Variants in SNX2 observed in about 807,000 individuals in gnomAD.
The protein encoded by SNX2 is sorting nexin-2.
A neutral mutation model predicts 69.9 loss-of-function variants in SNX2; 25 were observed. The observed-to-expected ratio is 0.36, with a 90% CI of 0.26 to 0.50. The LOEUF (loss-of-function observed/expected upper bound fraction) is 0.50. Among genes scored for constraint, SNX2 ranks in the 20% least tolerant of loss-of-function variants. SNX2 has a pLI of 0.97. For synonymous variants in SNX2, 229 were observed against 200.4 expected (o/e 1.14, Z -1.20); for missense variants, 551 against 613.3 (o/e 0.90, Z 1.07).
At chr5:122,791,668 T>C (rs892139827) in intron 1 of SNX2, among the ~76,000 whole-genome samples, 10 of 152,184 alleles carry the variant, frequency 6.6e-5, no homozygotes, top group African/African-American at 2.4e-4. Flanking sequence ...CTGCCTGCCT[T>C]GGCCTCCCAG....
intron 6 of SNX2, among the ~76,000 whole-genome samples, chr5:122,807,096 G>T (rs1157853828): frequency 6.6e-6 from 1 of 151,956 alleles, no homozygotes; most frequent in Non-Finnish European, 1.5e-5. Flanking sequence ...GACCAGCCTG[G>T]GCAACACAGC....
chr5:122,803,647 T>A, intron 6 of SNX2, 34 bp downstream of exon 6: 1 of 1,540,784 alleles, frequency 6.5e-7, no homozygotes, highest in African/African-American at 1.4e-5. Context: ...TAATTTTTGT[T>A]ACTGTTACTA....
Position 122,801,945 on chromosome 5 carries a change from T to C in SNX2, c.457+10T>C. 1.3e-6 allele frequency: 2 copies of C among 1,585,252 alleles called. No individual in the cohort carries two copies. Among genetic ancestry groups the C allele is most frequent in the Middle Eastern group, 1.7e-4 (1 of 5,964 alleles). ...GATCCAGAAAAAGTTGGTGAGTCAATACTTATTATATTTTGTATTTACTTT... is the reference window on the plus strand; with the variant it reads ...GATCCAGAAAAAGTTGGTGAGTCAACACTTATTATATTTTGTATTTACTTT... On this transcript the variant is annotated intron_variant, in intron 4 of 14. Transcript: ENST00000379516.
intron 1 of SNX2, among the ~76,000 whole-genome samples, chr5:122,792,926 A>G (rs1161120437): frequency 6.6e-6 from 1 of 152,244 alleles, no homozygotes; most frequent in African/African-American, 2.4e-5. Context: ...ACACAATGAT[A>G]CATACTCTAC....
intron 1 of SNX2, among the ~76,000 whole-genome samples, chr5:122,786,209 C>G (rs1455700136): frequency 6.6e-6 from 1 of 151,906 alleles, no homozygotes; most frequent in African/African-American, 2.4e-5. Context: ...CATGACATAT[C>G]TTTTTTATTG....
intron 1 of SNX2, among the ~76,000 whole-genome samples, chr5:122,793,253 A>G (rs907313864): frequency 7.2e-5 from 11 of 152,238 alleles, no homozygotes; most frequent in African/African-American, 2.4e-4. Context: ...TGGTTCAAGT[A>G]TGGTATTCAC....
chr5:122,787,721 C>G (rs1031808042), intron 1 of SNX2, among the ~76,000 whole-genome samples: 1 of 152,046 alleles, frequency 6.6e-6, no homozygotes, highest in Non-Finnish European at 1.5e-5. Flanking sequence ...CTCTTGGGCT[C>G]TGGACTATGA....
Position 122,826,087 on chromosome 5 carries a change from G to C in SNX2, c.1250G>C (p.Trp417Ser). 2 of 1,613,124 alleles carry C rather than the reference G, an allele frequency of 1.2e-6. No individual in the cohort carries two copies. Among genetic ancestry groups the C allele is most frequent in the Non-Finnish European group, 1.7e-6 (2 of 1,179,354 alleles). ...CATCGAATGAAGTGCTGGCAGAAATGGGAAGATGCTCAAATTACTTTGCTC... is the reference window on the plus strand; with the variant it reads ...CATCGAATGAAGTGCTGGCAGAAATCGGAAGATGCTCAAATTACTTTGCTC... ...FDHRMKCWQK[W>S]EDAQITLLKK... Residue 417 changes from tryptophan (W) to serine (S), a missense_variant, in exon 12 of 15, where the codon TGG becomes TCG. Physicochemically the swap from Trp to Ser is radical, Grantham distance 177. Around this residue, in one of 2 missense-constraint regions of SNX2, gnomAD observed 360 missense variants for 450.4 expected, o/e 0.80. Coordinates refer to ENST00000379516, the MANE Select transcript of SNX2 (RefSeq NM_003100.4).
At position 122,833,467 on chromosome 5, in the gene SNX2, T is replaced by C. The variant is rs1754339956; in HGVS notation, c.*3819T>C. ...CAGTAGCTCCAAAATATTATTTTAATATGTAATCCAATATATTGAAGTTAT... is the reference window on the plus strand; with the variant it reads ...CAGTAGCTCCAAAATATTATTTTAACATGTAATCCAATATATTGAAGTTAT... On this transcript the variant is annotated 3_prime_UTR_variant, in exon 15 of 15. Transcript: ENST00000379516. The C allele has an allele frequency of 6.6e-6, 1 of 152,170 alleles. No individual in the cohort carries two copies. The highest frequency in any genetic ancestry group is 1.5e-5 in the Non-Finnish European group (1 of 68,024). 9.4% of individuals were successfully genotyped at this position (152,170 alleles called of 1,614,324 possible).
intron 1 of SNX2, among the ~76,000 whole-genome samples, chr5:122,788,380 A>G (rs931563917): frequency 6.6e-6 from 1 of 152,196 alleles, no homozygotes; most frequent in African/African-American, 2.4e-5. Context: ...TTTATCCTCA[A>G]TGAGGTTTGC....
At position 122,803,478 on chromosome 5, in the gene SNX2, C is replaced by CTT; in HGVS notation, c.510_511dup (p.Ser171PhefsTer11). 6.2e-7 allele frequency: 1 copy of CTT among 1,607,944 alleles called. No individual in the cohort carries two copies. The highest frequency in any genetic ancestry group is 1.9e-4 in the Middle Eastern group (1 of 5,310). ...ACCTCTTCTTCACTTGTAGACATCT[C>CTT]TTTCCATGTTCAGTAAGAGTGAATT... On this transcript the variant is annotated frameshift_variant, in exon 6 of 15. Transcript: ENST00000379516. LOFTEE classifies it high-confidence loss of function.
At chr5:122,824,502 T>TAA (rs1754110277) in intron 11 of SNX2, among the ~76,000 whole-genome samples, 1 of 152,176 alleles carries the variant, frequency 6.6e-6, no homozygotes, top group Admixed American at 6.5e-5. Context: ...CTTAATAATG[T>TAA]AAGAAAAATT....
intron 1 of SNX2, 43 bp from the exon 2 acceptor site, chr5:122,795,223 T>C (rs115333906): frequency 3.1e-6 from 4 of 1,281,906 alleles, no homozygotes; most frequent in Non-Finnish European, 2.3e-6. Context: ...TTACAACAGG[T>C]AAACATGCCA....
At chr5:122,792,597 C>CA (rs34776409) in intron 1 of SNX2, among the ~76,000 whole-genome samples, 5,973 of 108,064 alleles carry the variant, frequency 0.055, 171 homozygotes, top group East Asian at 0.12. Context: ...AACTTCATCT[C>CA]AAAAAAAAAA....
chr5:122,785,507 C>T (rs532962481), intron 1 of SNX2, among the ~76,000 whole-genome samples: 1 of 151,826 alleles, frequency 6.6e-6, no homozygotes, highest in South Asian at 2.1e-4. Flanking sequence ...ACTTTTCTCC[C>T]TACTCTTGCT....
At chr5:122,819,052 TGTGTC>T (rs756159363) in intron 11 of SNX2, 29 bp downstream of exon 11, 6 of 1,547,758 alleles carry the variant, frequency 3.9e-6, no homozygotes, top group Non-Finnish European at 5.3e-6. Flanking sequence ...GCTTCTCACT[TGTGTC>T]GTGTACTTTA....
intron 8 of SNX2, among the ~76,000 whole-genome samples, chr5:122,816,200 A>G: frequency 6.6e-6 from 1 of 152,280 alleles, no homozygotes; most frequent in South Asian, 2.1e-4. Context: ...AACAAGATTT[A>G]AGAGAGTGAT....
chr5:122,799,645 G>T, intron 2 of SNX2, 47 bp from the exon 3 acceptor site: 2 of 1,420,162 alleles, frequency 1.4e-6, no homozygotes, highest in East Asian at 2.4e-5. Context: ...GAATATTGGG[G>T]GTTTGCTTGC....
chr5:122,783,167 G>T (rs566126369), intron 1 of SNX2, among the ~76,000 whole-genome samples: 1 of 150,738 alleles, frequency 6.6e-6, no homozygotes, highest in Non-Finnish European at 1.5e-5. Flanking sequence ...GGATGGTCTC[G>T]ATCTCTTGAC....
Sources: gnomAD v4.1 joint callset for allele counts (sites outside exome capture counted in the v4.1 genomes callset) on GRCh38, gnomAD v4.1.1 for gene constraint, gnomAD v4.1.1 regional missense constraint, MANE v1.5 for transcripts, NCBI Gene and HGNC (gene_info 2026-07-23, HGNC 2026-07-21) for gene names.